Variants in TMED3 observed in about 807,000 individuals in gnomAD.
TMED3 encodes the protein transmembrane p24 trafficking protein 3, also known as transmembrane emp24 domain-containing protein 3.
A neutral mutation model predicts 15.0 loss-of-function variants in TMED3; 9 were observed. The observed-to-expected ratio is 0.60, with a 90% CI of 0.36 to 1.04. TMED3 has a LOEUF of 1.04. TMED3 is among the 50% of genes least tolerant of loss of function. TMED3 has a pLI of 0.01. For synonymous variants in TMED3, 117 were observed against 121.4 expected, an observed-to-expected ratio of 0.96 and a Z score of 0.24; for missense variants, 267 against 278.9, an observed-to-expected ratio of 0.96 and a Z score of 0.30.
chr15:79,318,031 G>A (rs1173640816), intron 2 of TMED3, among the ~76,000 whole-genome samples: 3 of 152,126 alleles, frequency 2.0e-5, no homozygotes, highest in Admixed American at 1.3e-4. Flanking sequence ...GCTTCTCCAC[G>A]CATCCCCATC....
intron 2 of TMED3, among the ~76,000 whole-genome samples, chr15:79,388,621 T>C (rs368955001): frequency 2.0e-5 from 3 of 152,174 alleles, no homozygotes; most frequent in Admixed American, 6.5e-5. Flanking sequence ...TACTCAGTAG[T>C]AGGATTGCTG....
chr15:79,332,399 A>C (rs2058812673), intron 2 of TMED3, among the ~76,000 whole-genome samples: 1 of 152,228 alleles, frequency 6.6e-6, no homozygotes, highest in African/African-American at 2.4e-5. Flanking sequence ...GGCCAATGCG[A>C]AACTCTTCAG....
At chr15:79,383,158 C>T in intron 2 of TMED3, 4 of 763,746 alleles carry the variant, frequency 5.2e-6, no homozygotes, top group Non-Finnish European at 8.8e-6. Flanking sequence ...CTTGTCCACT[C>T]TCACCTGCAC....
Position 79,322,723 on chromosome 15 carries a change from A to C in TMED3, c.*509A>C. The C allele has an allele frequency of 3.0e-6, 3 of 985,824 alleles. No individual in the cohort carries two copies. Among genetic ancestry groups the C allele is most frequent in the Non-Finnish European group, 3.6e-6 (3 of 830,364 alleles). The allele number at this position is 985,824 out of a possible 1,614,324, so 61.1% of individuals were successfully genotyped here. ...GATCTGCTCACCCTCGGTGAGCAAC[A>C]GTGTCAGCCATGCAAGCAGGACAGA... On this transcript the variant is annotated 3_prime_UTR_variant, in exon 3 of 3. Coordinates refer to ENST00000299705, the MANE Select transcript of TMED3 (RefSeq NM_007364.4).
intron 2 of TMED3, among the ~76,000 whole-genome samples, chr15:79,357,464 CAAAAAAA>C (rs59897659): frequency 2.3e-5 from 2 of 87,700 alleles, no homozygotes; most frequent in Admixed American, 1.4e-4. Context: ...CACCCTGCCT[CAAAAAAA>C]AAAAAAAAAA....
intron 2 of TMED3, among the ~76,000 whole-genome samples, chr15:79,378,361 T>A (rs954684939): frequency 2.0e-5 from 3 of 152,202 alleles, no homozygotes; most frequent in African/African-American, 7.2e-5. Context: ...TTTTCCAGTC[T>A]TAGGTGGATG....
chr15:79,346,402 CATG>C (rs2058871649), intron 2 of TMED3, among the ~76,000 whole-genome samples: 1 of 152,168 alleles, frequency 6.6e-6, no homozygotes, highest in Non-Finnish European at 1.5e-5. Context: ...ATCCTGTTCT[CATG>C]ATAGTGAATA....
chr15:79,410,014 T>C, intron 2 of TMED3, among the ~76,000 whole-genome samples: 1 of 152,104 alleles, frequency 6.6e-6, no homozygotes, highest in Non-Finnish European at 1.5e-5. Context: ...TATACTAGAT[T>C]GGATTGGTAC....
At chr15:79,411,438 G>A (rs951475757) in exon 3 of TMED3, 13 of 702,418 alleles carry the variant, frequency 1.9e-5, no homozygotes, top group Non-Finnish European at 3.1e-5. Flanking sequence ...TGGACAAGAT[G>A]GTCGACTATA....
At chr15:79,370,921 G>A (rs1249820768) in intron 2 of TMED3, among the ~76,000 whole-genome samples, 1 of 152,184 alleles carries the variant, frequency 6.6e-6, no homozygotes, top group African/African-American at 2.4e-5. Flanking sequence ...TACACAAACA[G>A]CTCTGCACTG....
intron 2 of TMED3, among the ~76,000 whole-genome samples, chr15:79,355,595 T>C (rs2058915834): frequency 6.6e-6 from 1 of 152,198 alleles, no homozygotes; most frequent in African/African-American, 2.4e-5. Flanking sequence ...TTCACAATTT[T>C]AAGCATCCAT....
At chr15:79,401,618 C>G (rs1893834955) in intron 2 of TMED3, among the ~76,000 whole-genome samples, 2 of 151,982 alleles carry the variant, frequency 1.3e-5, no homozygotes, top group South Asian at 4.2e-4. Flanking sequence ...TCAATAGTGC[C>G]AAGATTGAGA....
At position 79,311,425 on chromosome 15, in the gene TMED3, C is replaced by G. The variant is rs892498452; in HGVS notation, c.168+8C>G. 5 of 1,600,618 alleles carry G rather than the reference C, an allele frequency of 3.1e-6. No homozygotes were observed. The highest frequency in any genetic ancestry group is 4.3e-6 in the Non-Finnish European group (5 of 1,173,628). ...TTCTCCCTGGATTACCAGGTGAGGC[C>G]GGGCGCCCGGCAGCGCTCCCTTCTC... is the stretch of plus-strand genomic sequence containing the variant. On this transcript the variant is annotated splice_region_variant and intron_variant, in intron 1 of 2. Coordinates refer to ENST00000299705, the MANE Select transcript of TMED3 (RefSeq NM_007364.4).
chr15:79,312,498 G>A (rs182254587), intron 1 of TMED3, among the ~76,000 whole-genome samples: 2 of 152,328 alleles, frequency 1.3e-5, no homozygotes, highest in Non-Finnish European at 2.9e-5. Context: ...AACACACTTA[G>A]CAACAGGATA....
Position 79,322,460 on chromosome 15 carries a change from A to G in TMED3, c.*246A>G. 1 of 1,336,058 alleles carries G rather than the reference A, an allele frequency of 7.5e-7. No individual in the cohort carries two copies. Among genetic ancestry groups the G allele is most frequent in the South Asian group, 1.9e-5 (1 of 53,740 alleles). The allele number at this position is 1,336,058 out of a possible 1,614,324, so 82.8% of individuals were successfully genotyped here. A position where few individuals can be genotyped will look rare whatever the true frequency, so the allele number is the denominator to read the frequency against. ...CTGAAAAGACATTTACAACTAGGCC[A>G]GGGATTAGCCACTGTGGGAGGGTGG... is the stretch of plus-strand genomic sequence containing the variant. On this transcript the variant is annotated 3_prime_UTR_variant, in exon 3 of 3. Transcript: ENST00000299705.
intron 2 of TMED3, among the ~76,000 whole-genome samples, chr15:79,354,172 T>G (rs936487022): frequency 6.6e-5 from 10 of 152,198 alleles, no homozygotes; most frequent in African/African-American, 2.2e-4. Flanking sequence ...AACTTCATTT[T>G]GCCTGATGCA....
At chr15:79,398,327 A>G (rs1318345281) in intron 2 of TMED3, among the ~76,000 whole-genome samples, 2 of 152,074 alleles carry the variant, frequency 1.3e-5, no homozygotes, top group African/African-American at 4.8e-5. Context: ...TATTTTAGAG[A>G]CAGGATCTTG....
chr15:79,315,759 C>T (rs2058737878), intron 2 of TMED3, among the ~76,000 whole-genome samples: 1 of 152,196 alleles, frequency 6.6e-6, no homozygotes. Flanking sequence ...CACCTTGAAC[C>T]ATCTGTGCCT....
At chr15:79,349,508 TGCA>T (rs2058883892) in intron 2 of TMED3, among the ~76,000 whole-genome samples, 1 of 152,176 alleles carries the variant, frequency 6.6e-6, no homozygotes, top group Non-Finnish European at 1.5e-5. Context: ...TGTTACATTA[TGCA>T]GTAAAAAAAC....
Sources: allele counts gnomAD v4.1 joint callset (sites outside exome capture counted in the v4.1 genomes callset), GRCh38; gene constraint gnomAD v4.1.1; transcripts MANE v1.5; gene names NCBI Gene and HGNC (gene_info 2026-07-23, HGNC 2026-07-21).